Variants in VDR observed in about 807,000 individuals in gnomAD.
The protein encoded by VDR is vitamin D3 receptor.
VDR carries 19 observed loss-of-function variants against 39.7 expected under a neutral mutation model. The observed-to-expected ratio is 0.48, with a 90% CI of 0.33 to 0.70. The LOEUF is 0.70. VDR is among the 30% of genes least tolerant of loss of function. The pLI is 0.02. For synonymous variants in VDR, 242 were observed against 215.8 expected (o/e 1.12, Z -1.07); for missense variants, 442 against 570.5 (o/e 0.77, Z 2.29).
At chr12:47,901,943 G>T (rs897052037) in intron 1 of VDR, among the ~76,000 whole-genome samples, 1 of 152,186 alleles carries the variant, frequency 6.6e-6, no homozygotes. Context: ...GAGCAGTGCC[G>T]CCCCAGGGAA....
chr12:47,882,815 G>A (rs527831827), intron 1 of VDR, 41 bp from the exon 2 acceptor site: 331 of 1,488,334 alleles, frequency 2.2e-4, no homozygotes, highest in Non-Finnish European at 2.8e-4. Flanking sequence ...AAGGCGGAGC[G>A]CTGACCGCCT....
chr12:47,870,254 G>A (rs186769736), intron 3 of VDR, among the ~76,000 whole-genome samples: 27 of 152,310 alleles, frequency 1.8e-4, no homozygotes, highest in African/African-American at 6.3e-4. Context: ...CTCTGCCCAC[G>A]AGGAGTCAGG....
chr12:47,878,801 G>A lies in VDR; in HGVS notation c.146+167C>T, dbSNP rs542041780. On this transcript the variant is annotated intron_variant, in intron 3 of 9. Coordinates refer to ENST00000549336, the MANE Select transcript of VDR (RefSeq NM_000376.3). ...CATCTGGAGCTGAGAGGAGGGAAAAGAAGATACCACTCACCAAGACCCTCC... is the reference window on the plus strand; with the variant it reads ...CATCTGGAGCTGAGAGGAGGGAAAAAAAGATACCACTCACCAAGACCCTCC... 19 of 1,066,076 alleles carry A rather than the reference G, an allele frequency of 1.8e-5. No individual in the cohort carries two copies. In the Admixed American group the frequency reaches 2.2e-4, roughly 12 times the overall value. The allele number at this position is 1,066,076 out of a possible 1,614,324, so 66.0% of individuals were successfully genotyped here.
At chr12:47,849,626 G>A (rs1945345938) in intron 7 of VDR, among the ~76,000 whole-genome samples, 1 of 152,140 alleles carries the variant, frequency 6.6e-6, no homozygotes, top group Non-Finnish European at 1.5e-5. Context: ...ATGACACAAT[G>A]TCTAACATCT....
Position 47,843,645 on chromosome 12 carries a change from C to T in VDR, c.*1101G>A, listed in dbSNP as rs895378667. On this transcript the variant is annotated 3_prime_UTR_variant, in exon 10 of 10. Coordinates refer to ENST00000549336, the MANE Select transcript of VDR (RefSeq NM_000376.3). ...CGGAACCCCCAAACACTCTCTCTGACTAGCCACCCGAGACTGCCCCGCTCT... is the reference window on the plus strand; with the variant it reads ...CGGAACCCCCAAACACTCTCTCTGATTAGCCACCCGAGACTGCCCCGCTCT... 2.6e-5 allele frequency: 4 copies of T among 152,414 alleles called. No individual in the cohort carries two copies. The highest frequency in any genetic ancestry group is 9.6e-5 in the African/African-American group (4 of 41,456). The allele number at this position is 152,414 out of a possible 1,614,324, so 9.4% of individuals were successfully genotyped here.
intron 4 of VDR, 40 bp downstream of exon 4, chr12:47,865,007 C>T (rs1945698858): frequency 5.6e-6 from 9 of 1,610,772 alleles, no homozygotes; most frequent in Non-Finnish European, 7.6e-6. Context: ...TCCCTGACTC[C>T]ACTTCAGGCC....
chr12:47,857,552 G>T lies in VDR; in HGVS notation c.414C>A (p.Ala138=). Residue 138 remains alanine, a synonymous_variant, in exon 5 of 10, where the codon GCC becomes GCA. Transcript: ENST00000549336. The part of the protein sequence containing the change: ...QQRIIAILLD[A]HHKTYDPTYS... ...AGGTGGGGTCGTAGGTCTTATGGTGGGCGTCCAGCAGTATGGCAATGATGC... is the reference window on the plus strand; with the variant it reads ...AGGTGGGGTCGTAGGTCTTATGGTGTGCGTCCAGCAGTATGGCAATGATGC... 1 of 1,614,174 alleles carries T rather than the reference G, an allele frequency of 6.2e-7. No individual in the cohort carries two copies. The highest frequency in any genetic ancestry group is 8.5e-7 in the Non-Finnish European group (1 of 1,180,040).
intron 3 of VDR, among the ~76,000 whole-genome samples, chr12:47,874,013 T>A (rs1000343072): frequency 6.6e-6 from 1 of 152,300 alleles, no homozygotes; most frequent in South Asian, 2.1e-4. Flanking sequence ...AAATGAGCCC[T>A]GATTAGAGTG....
At chr12:47,894,681 G>C (rs1946434242) in intron 1 of VDR, among the ~76,000 whole-genome samples, 1 of 152,216 alleles carries the variant, frequency 6.6e-6, no homozygotes, top group African/African-American at 2.4e-5. Flanking sequence ...CCCCCAGTGA[G>C]TTATTTTCTG....
At chr12:47,862,937 T>C (rs1945654464) in intron 4 of VDR, among the ~76,000 whole-genome samples, 1 of 152,220 alleles carries the variant, frequency 6.6e-6, no homozygotes, top group Non-Finnish European at 1.5e-5. Context: ...CATCTAGAAC[T>C]GAGTACTGCT....
Position 47,875,858 on chromosome 12 carries a change from T to C in VDR, c.146+3110A>G, listed in dbSNP as rs545039716. 2.0e-5 allele frequency among the ~76,000 whole-genome samples: 3 copies of C among 152,368 alleles called. No homozygotes were observed. The East Asian group carries it at 5.8e-4, about 29-fold the overall frequency. ...CAATAGATATTGTTGGTTGAGTTAT[T>C]AACATTGATCAAACAGCCAGCAGCA... On this transcript the variant is annotated intron_variant, in intron 3 of 9. Transcript: ENST00000549336.
At chr12:47,845,093 C>T in intron 9 of VDR, 88 bp from the exon 10 acceptor site, 2 of 1,589,666 alleles carry the variant, frequency 1.3e-6, no homozygotes, top group East Asian at 4.5e-5. Context: ...CCCACACAGA[C>T]ACTCAACGGC....
intron 2 of VDR, 71 bp downstream of exon 2, chr12:47,882,623 G>GGCCCCGGGGCCCCCCCCCC: frequency 1.8e-6 from 1 of 543,282 alleles, no homozygotes; most frequent in Non-Finnish European, 3.2e-6. Flanking sequence ...ACCTTCTTAT[G>GGCCCCGGGGCCCCCCCCCC]CCCCTCCCCC....
chr12:47,904,622 C>T, intron 1 of VDR: 6 of 1,536,018 alleles, frequency 3.9e-6, no homozygotes, highest in Non-Finnish European at 5.2e-6. Context: ...TCTTATTCCT[C>T]CACTCCATGC....
At chr12:47,880,275 G>T (rs1002155445) in intron 2 of VDR, among the ~76,000 whole-genome samples, 1 of 152,136 alleles carries the variant, frequency 6.6e-6, no homozygotes, top group Non-Finnish European at 1.5e-5. Context: ...TCCTGCCCTT[G>T]GGTGACAGAG....
chr12:47,889,516 A>G (rs540043942), intron 1 of VDR, among the ~76,000 whole-genome samples: 1 of 152,320 alleles, frequency 6.6e-6, no homozygotes, highest in East Asian at 1.9e-4. Context: ...GGCCAAAGAC[A>G]TGAACAAGAA....
chr12:47,904,424 C>A, intron 1 of VDR: 1 of 535,692 alleles, frequency 1.9e-6, no homozygotes, highest in Non-Finnish European at 2.8e-6. Flanking sequence ...AAAAATAGGG[C>A]CAATTAGGTC....
At chr12:47,873,631 G>A (rs569389076) in intron 3 of VDR, among the ~76,000 whole-genome samples, 1 of 152,148 alleles carries the variant, frequency 6.6e-6, no homozygotes, top group East Asian at 1.9e-4. Flanking sequence ...AAAGTGCTGG[G>A]ATTACAGGCG....
At chr12:47,846,910 C>T in intron 7 of VDR, 102 bp from the exon 8 acceptor site, 1 of 1,380,580 alleles carries the variant, frequency 7.2e-7, no homozygotes, top group Middle Eastern at 1.8e-4. Context: ...TGGGCACCAA[C>T]ATGCACCCTG....
Sources: allele counts gnomAD v4.1 joint callset (sites outside exome capture counted in the v4.1 genomes callset), GRCh38; gene constraint gnomAD v4.1.1; transcripts MANE v1.5; gene names NCBI Gene and HGNC (gene_info 2026-07-23, HGNC 2026-07-21).